Variants in ARHGAP29 observed in about 807,000 individuals in gnomAD.
ARHGAP29 encodes the protein rho GTPase-activating protein 29.
ARHGAP29 carries 43 observed loss-of-function variants against 122.6 expected under a neutral mutation model. The ratio of observed to expected loss-of-function variants is 0.35; its 90% confidence interval spans 0.27 to 0.45. The LOEUF (loss-of-function observed/expected upper bound fraction) is 0.45. Among genes scored for constraint, ARHGAP29 ranks in the 20% least tolerant of loss-of-function variants. ARHGAP29 has a pLI of 1.00. For synonymous variants in ARHGAP29, 506 were observed against 497.1 expected (o/e 1.02, Z -0.24); for missense variants, 1,303 against 1,477.2 (o/e 0.88, Z 1.93).
At chr1:94,212,778 A>G (rs921037546) in intron 3 of ARHGAP29, among the ~76,000 whole-genome samples, 7 of 152,134 alleles carry the variant, frequency 4.6e-5, no homozygotes, top group East Asian at 1.9e-4. Context: ...AAACAGCCCT[A>G]TATTTCTAAT....
At chr1:94,266,574 T>G (rs913444479) in intron 1 of ARHGAP29, among the ~76,000 whole-genome samples, 3 of 152,182 alleles carry the variant, frequency 2.0e-5, no homozygotes, top group Non-Finnish European at 4.4e-5. Flanking sequence ...GGCCTTTGCT[T>G]CTTTTCACCT....
intron 3 of ARHGAP29, among the ~76,000 whole-genome samples, chr1:94,210,724 C>T (rs552688218): frequency 1.3e-5 from 2 of 152,240 alleles, no homozygotes; most frequent in South Asian, 2.1e-4. Flanking sequence ...CCTGAAACAA[C>T]TAAAAGACAC....
chr1:94,205,307 A>T (rs563550867), intron 6 of ARHGAP29, 109 bp from the exon 7 acceptor site: 137 of 899,940 alleles, frequency 1.5e-4, no homozygotes, highest in South Asian at 1.2e-3. Context: ...ACTGGTTTTT[A>T]AAAAAAATAC....
upstream of ARHGAP29, among the ~76,000 whole-genome samples, chr1:94,240,795 T>C (rs1256137125): frequency 6.6e-6 from 1 of 152,192 alleles, no homozygotes; most frequent in Non-Finnish European, 1.5e-5. Context: ...CAAATCTTCC[T>C]CATGTGTTCT....
chr1:94,229,710 G>A (rs1652817022), intron 2 of ARHGAP29, among the ~76,000 whole-genome samples: 1 of 151,508 alleles, frequency 6.6e-6, no homozygotes, highest in African/African-American at 2.4e-5. Context: ...TACCTCAGGG[G>A]GTAGTCTCTT....
At chr1:94,291,980 C>T in the ARHGAP29 span, among the ~76,000 whole-genome samples, 12 of 152,008 alleles carry the variant, frequency 7.9e-5, no homozygotes, top group African/African-American at 1.9e-4. Context: ...CCGTATTTCC[C>T]GAATTTGAAT....
chr1:94,266,104 G>A (rs867142732), intron 1 of ARHGAP29, among the ~76,000 whole-genome samples: 7 of 152,300 alleles, frequency 4.6e-5, no homozygotes, highest in African/African-American at 1.2e-4. Flanking sequence ...AAAGGAAACC[G>A]AAATCTACTT....
At chr1:94,288,565 C>A in the ARHGAP29 span, among the ~76,000 whole-genome samples, 3 of 152,306 alleles carry the variant, frequency 2.0e-5, no homozygotes, top group East Asian at 5.8e-4. Flanking sequence ...GTCATGAAGT[C>A]TTTGCCCATG....
At chr1:94,257,630 G>A (rs535254488) in intron 1 of ARHGAP29, among the ~76,000 whole-genome samples, 18 of 152,038 alleles carry the variant, frequency 1.2e-4, no homozygotes, top group Admixed American at 7.2e-4. Context: ...GGATTGTTTG[G>A]CTTGGGAGGT....
At chr1:94,234,398 G>C (rs1317577394) in intron 1 of ARHGAP29, among the ~76,000 whole-genome samples, 1 of 152,130 alleles carries the variant, frequency 6.6e-6, no homozygotes, top group African/African-American at 2.4e-5. Flanking sequence ...CTCTAAAATG[G>C]TATGTTTCAA....
At chr1:94,196,973 CTT>C (rs1557852898) in intron 12 of ARHGAP29, among the ~76,000 whole-genome samples, 1 of 151,844 alleles carries the variant, frequency 6.6e-6, no homozygotes, top group Non-Finnish European at 1.5e-5. Context: ...CTTTAAGAAA[CTT>C]TTTTAAAAAG....
chr1:94,177,870 T>C lies in ARHGAP29; in HGVS notation c.2778A>G (p.Leu926=), dbSNP rs773448719. 10 of 1,608,350 alleles carry C rather than the reference T, an allele frequency of 6.2e-6. No individual in the cohort carries two copies. Among genetic ancestry groups the C allele is most frequent in the Middle Eastern group, 1.7e-4 (1 of 6,020 alleles). The stretch of plus-strand genomic sequence containing the variant: ...AACTCACTTCCTTTGAAGAAAAAAA[T>C]AGTGACTTCATGGAACGTTCAATGT... ...ERDIERSMKS[L]FFSSKEDIHT... Residue 926 remains leucine (L), a synonymous_variant, in exon 21 of 23, where the codon CTA becomes CTG. Coordinates refer to ENST00000260526, the MANE Select transcript of ARHGAP29 (RefSeq NM_004815.4).
chr1:94,245,422 T>C (rs1044338692), intron 1 of ARHGAP29, among the ~76,000 whole-genome samples: 4 of 152,166 alleles, frequency 2.6e-5, no homozygotes, highest in Admixed American at 1.3e-4. Flanking sequence ...GAAAAAATCA[T>C]AGATGAATCT....
chr1:94,178,459 G>A (rs1649251301), intron 20 of ARHGAP29, among the ~76,000 whole-genome samples: 1 of 151,774 alleles, frequency 6.6e-6, no homozygotes, highest in East Asian at 1.9e-4. Context: ...TCAGTATATG[G>A]TATATCCTCC....
At chr1:94,283,016 A>G in the ARHGAP29 span, among the ~76,000 whole-genome samples, 1 of 152,176 alleles carries the variant, frequency 6.6e-6, no homozygotes, top group Non-Finnish European at 1.5e-5. Context: ...AGAGCTTTAT[A>G]GATAAATACC....
chr1:94,237,959 G>A (rs965540226), upstream of ARHGAP29, among the ~76,000 whole-genome samples: 2 of 151,748 alleles, frequency 1.3e-5, no homozygotes, highest in Admixed American at 6.5e-5. Context: ...GGCGCCACAC[G>A]TCTGAATGAA....
At chr1:94,205,292 T>C in intron 6 of ARHGAP29, 94 bp from the exon 7 acceptor site, 1 of 1,039,266 alleles carries the variant, frequency 9.6e-7, no homozygotes, top group Non-Finnish European at 1.3e-6. Flanking sequence ...TACTAGTCAA[T>C]AAAAACTGGT....
the ARHGAP29 span, among the ~76,000 whole-genome samples, chr1:94,300,324 C>G: frequency 6.6e-6 from 1 of 152,238 alleles, no homozygotes. Context: ...TTTGCCAGTC[C>G]CTGCTCTAAG....
At chr1:94,250,471 C>T (rs1229557664) in intron 1 of ARHGAP29, 7 of 152,178 alleles carry the variant, frequency 4.6e-5, no homozygotes, top group Non-Finnish European at 1.0e-4. Flanking sequence ...TCCTTGGACT[C>T]CCTGGACTGC....
Sources: gnomAD v4.1 joint callset for allele counts (sites outside exome capture counted in the v4.1 genomes callset) on GRCh38, gnomAD v4.1.1 for gene constraint, MANE v1.5 for transcripts, NCBI Gene and HGNC (gene_info 2026-07-23, HGNC 2026-07-21) for gene names.